Variants in NRG3 observed in about 807,000 individuals in gnomAD.
NRG3 encodes the protein pro-neuregulin-3, membrane-bound isoform.
In NRG3, 31 loss-of-function variants were observed where a neutral mutation model predicts 66.9. The ratio of observed to expected loss-of-function variants is 0.46; its 90% CI spans 0.35 to 0.63. The LOEUF (loss-of-function observed/expected upper bound fraction) is 0.63, where lower values mean the gene tolerates loss of function less well. Ranked by LOEUF, NRG3 falls within the 20% of genes least tolerant of loss-of-function variation. The pLI, the probability that NRG3 is intolerant of heterozygous loss-of-function variation, is 0.00. For missense variants in NRG3, 910 were observed against 878.9 expected, an observed-to-expected ratio of 1.04 and a Z score of -0.45; for synonymous variants, 393 against 359.4, an observed-to-expected ratio of 1.09 and a Z score of -1.06.
At chr10:82,009,395 T>G (rs1252050408) in intron 1 of NRG3, among the ~76,000 whole-genome samples, 6 of 152,118 alleles carry the variant, frequency 3.9e-5, no homozygotes, top group Non-Finnish European at 1.5e-5. Context: ...TGCAGTGTTC[T>G]TGGGGTCCTT....
At chr10:82,107,293 T>C (rs757669883) in intron 1 of NRG3, among the ~76,000 whole-genome samples, 4 of 152,198 alleles carry the variant, frequency 2.6e-5, no homozygotes, top group Non-Finnish European at 5.9e-5. Flanking sequence ...ATTAGGATGA[T>C]TCAACTTGTA....
intron 1 of NRG3, among the ~76,000 whole-genome samples, chr10:81,911,593 G>A (rs971916939): frequency 1.3e-4 from 18 of 141,806 alleles, no homozygotes; most frequent in Middle Eastern, 3.8e-3. Context: ...TCACCCTCTA[G>A]CACAGACTTG....
chr10:82,840,779 T>C (rs1406636983), intron 3 of NRG3, among the ~76,000 whole-genome samples: 1 of 152,156 alleles, frequency 6.6e-6, no homozygotes, highest in African/African-American at 2.4e-5. Context: ...GGTTGAAAAT[T>C]ACTTAAAAGT....
At chr10:82,780,650 T>C (rs1261748020) in intron 3 of NRG3, among the ~76,000 whole-genome samples, 1 of 152,132 alleles carries the variant, frequency 6.6e-6, no homozygotes, top group East Asian at 1.9e-4. Context: ...ACCATGTAAA[T>C]ACTGATCTAA....
intron 2 of NRG3, among the ~76,000 whole-genome samples, chr10:82,373,709 T>G (rs990414606): frequency 3.9e-5 from 6 of 152,214 alleles, no homozygotes; most frequent in Non-Finnish European, 7.3e-5. Context: ...AAGGTCATAA[T>G]TTTGCCACAG....
chr10:81,940,414 T>G (rs1848306776), intron 1 of NRG3, among the ~76,000 whole-genome samples: 1 of 152,106 alleles, frequency 6.6e-6, no homozygotes, highest in South Asian at 2.1e-4. Flanking sequence ...TACATAATCA[T>G]AGCTCAATGC....
intron 2 of NRG3, among the ~76,000 whole-genome samples, chr10:82,722,407 A>G (rs2057368246): frequency 6.6e-6 from 1 of 152,246 alleles, no homozygotes; most frequent in Non-Finnish European, 1.5e-5. Context: ...AAGATGAGAC[A>G]TTATAAATGG....
chr10:82,695,295 C>T (rs2134237178), intron 2 of NRG3, among the ~76,000 whole-genome samples: 1 of 152,038 alleles, frequency 6.6e-6, no homozygotes, highest in Non-Finnish European at 1.5e-5. Flanking sequence ...AATTTGATTT[C>T]CGATACTGTA....
chr10:82,906,027 C>A (rs1363059163), intron 4 of NRG3, among the ~76,000 whole-genome samples: 1 of 152,156 alleles, frequency 6.6e-6, no homozygotes, highest in African/African-American at 2.4e-5. Context: ...TCAAAAATAT[C>A]AAACATGGCC....
At chr10:81,980,761 A>C in intron 1 of NRG3, among the ~76,000 whole-genome samples, 1 of 152,186 alleles carries the variant, frequency 6.6e-6, no homozygotes, top group East Asian at 1.9e-4. Context: ...TTCAAGAGCA[A>C]GTTGTTGGAA....
chr10:82,950,181 A>AC lies in NRG3; in HGVS notation c.1055-1288_1055-1287insC, dbSNP rs1484983887. 7.9e-5 allele frequency among the ~76,000 whole-genome samples: 12 copies of AC among 152,258 alleles called. No homozygotes were observed. The South Asian group carries it at 1.2e-3, about 16-fold the overall frequency. ...TGACTCCAGTGCATTACAATTTGAG[A>AC]ACTATTGTTCTATGTTAATGACACA... On this transcript the variant is annotated intron_variant, in intron 4 of 8. Transcript: ENST00000372141.
rs2135066413 is a variant in NRG3 at position 82,761,746 on chromosome 10, A to C, written c.1027+23096A>C. On this transcript the variant is annotated intron_variant, in intron 3 of 8. Transcript: ENST00000372141. ...CAGTAATGGAATGAAATAATTATTT[A>C]GAAAGCAAGGAAAAACATAAATGGA... Among the ~76,000 whole-genome samples the C allele has an allele frequency of 3.3e-5, 5 of 151,972 alleles. 1 individual carries two copies. The Middle Eastern group carries it at 0.017, about 520-fold the overall frequency.
chr10:82,422,507 CA>C (rs911853847), intron 2 of NRG3, among the ~76,000 whole-genome samples: 17 of 150,714 alleles, frequency 1.1e-4, no homozygotes, highest in African/African-American at 3.4e-4. Flanking sequence ...TGGATGTTAG[CA>C]AAAAAAAATT....
intron 2 of NRG3, among the ~76,000 whole-genome samples, chr10:82,499,845 C>T (rs954595157): frequency 8.5e-5 from 13 of 152,210 alleles, no homozygotes; most frequent in African/African-American, 2.4e-4. Context: ...TCTCACTCCA[C>T]GGTGTACAGG....
At chr10:82,395,660 C>A (rs998039065) in intron 2 of NRG3, among the ~76,000 whole-genome samples, 1 of 152,112 alleles carries the variant, frequency 6.6e-6, no homozygotes, top group African/African-American at 2.4e-5. Context: ...ATTTATCCAT[C>A]CATCCATCAT....
intron 2 of NRG3, among the ~76,000 whole-genome samples, chr10:82,530,423 A>G (rs1847136622): frequency 6.6e-6 from 1 of 152,012 alleles, no homozygotes; most frequent in South Asian, 2.1e-4. Context: ...TATTAAATAT[A>G]TATTTTAGCC....
At chr10:82,055,848 C>T (rs1034887381) in intron 1 of NRG3, among the ~76,000 whole-genome samples, 14 of 152,160 alleles carry the variant, frequency 9.2e-5, no homozygotes, top group Admixed American at 5.9e-4. Context: ...GCAGGTTTAT[C>T]TGTAATGGTT....
intron 4 of NRG3, among the ~76,000 whole-genome samples, chr10:82,926,487 A>G (rs75937599): frequency 0.026 from 3,919 of 152,312 alleles, 128 homozygotes; most frequent in East Asian, 0.079. Context: ...AAACTTTCTA[A>G]AAAGTGATAG....
At chr10:82,261,294 T>C (rs2078016835) in intron 1 of NRG3, among the ~76,000 whole-genome samples, 1 of 152,188 alleles carries the variant, frequency 6.6e-6, no homozygotes. Context: ...TCCTGTCTCC[T>C]GCCACCATAT....
Sources: allele counts gnomAD v4.1 joint callset (sites outside exome capture counted in the v4.1 genomes callset), GRCh38; gene constraint gnomAD v4.1.1; transcripts MANE v1.5; gene names NCBI Gene and HGNC (gene_info 2026-07-23, HGNC 2026-07-21).